Variants in NXPE4 observed in about 807,000 individuals in gnomAD.
NXPE4 encodes NXPE family member 4.
NXPE4 carries 42 observed loss-of-function variants against 33.3 expected under a neutral mutation model. The observed-to-expected ratio is 1.26, with a 90% CI of 0.98 to 1.63. The LOEUF is 1.63. Ranked by LOEUF, NXPE4 falls within the 40% of genes most tolerant of loss-of-function variation. The probability of loss-of-function intolerance (pLI) is 0.00; values close to 1 mark genes in which losing one functional copy is unlikely to be tolerated. For missense variants in NXPE4, 709 were observed against 647.6 expected (o/e 1.09, Z -1.03); for synonymous variants, 253 against 234.9 (o/e 1.08, Z -0.71).
intron 2 of NXPE4, among the ~76,000 whole-genome samples, chr11:114,586,603 T>C (rs750768562): frequency 6.6e-6 from 1 of 152,130 alleles, no homozygotes; most frequent in Non-Finnish European, 1.5e-5. Context: ...ATTGGTTTCC[T>C]TTTACAGAGA....
the NXPE4 span, among the ~76,000 whole-genome samples, chr11:114,602,773 A>G: frequency 6.9e-6 from 1 of 144,962 alleles, no homozygotes; most frequent in Non-Finnish European, 1.5e-5. Context: ...ATATATAATT[A>G]CAGAATAATG....
At chr11:114,596,285 A>C (rs895808770), upstream of NXPE4, among the ~76,000 whole-genome samples, 1 of 152,198 alleles carries the variant, frequency 6.6e-6, no homozygotes, top group Non-Finnish European at 1.5e-5. Flanking sequence ...GTTTGAATCC[A>C]TCTGGGATTT....
the NXPE4 span, among the ~76,000 whole-genome samples, chr11:114,614,045 C>T: frequency 1.8e-4 from 27 of 151,638 alleles, no homozygotes; most frequent in Admixed American, 1.1e-3. Flanking sequence ...CACTGTTACC[C>T]GGTGAATAAT....
chr11:114,651,462 A>G, the NXPE4 span, among the ~76,000 whole-genome samples: 7 of 152,184 alleles, frequency 4.6e-5, no homozygotes, highest in African/African-American at 1.2e-4. Flanking sequence ...TGTGGACCCA[A>G]AGAGTAAGCA....
chr11:114,577,011 A>T (rs1406548289), intron 5 of NXPE4, among the ~76,000 whole-genome samples: 3 of 48,988 alleles, frequency 6.1e-5, no homozygotes, highest in African/African-American at 1.9e-4. Context: ...ATATAAAGTT[A>T]TATATATATA....
chr11:114,581,840 A>T, intron 3 of NXPE4, 54 bp from the exon 4 acceptor site: 1 of 1,203,042 alleles, frequency 8.3e-7, no homozygotes, highest in East Asian at 2.4e-5. Context: ...ATCAGGAAAC[A>T]TACAGAAACT....
upstream of NXPE4, among the ~76,000 whole-genome samples, chr11:114,599,838 C>T (rs893501175): frequency 1.3e-5 from 2 of 152,048 alleles, no homozygotes; most frequent in Non-Finnish European, 1.5e-5. Flanking sequence ...TACCAGGCCC[C>T]AGCTCCAACA....
the NXPE4 span, among the ~76,000 whole-genome samples, chr11:114,649,911 G>A: frequency 6.6e-6 from 1 of 152,278 alleles, no homozygotes; most frequent in African/African-American, 2.4e-5. Context: ...TGGTAAATGC[G>A]TGCAGTTTGT....
chr11:114,586,327 A>G (rs1482125971), intron 2 of NXPE4, among the ~76,000 whole-genome samples: 1 of 152,180 alleles, frequency 6.6e-6, no homozygotes, highest in Non-Finnish European at 1.5e-5. Context: ...CAGATGAAAA[A>G]TGCCATTTCA....
chr11:114,593,425 G>T (rs1282804026), intron 2 of NXPE4, among the ~76,000 whole-genome samples: 1 of 152,078 alleles, frequency 6.6e-6, no homozygotes, highest in Non-Finnish European at 1.5e-5. Context: ...ATGAAAAGGT[G>T]CTCAACATCA....
chr11:114,598,740 G>A (rs1949606389), upstream of NXPE4, among the ~76,000 whole-genome samples: 1 of 152,032 alleles, frequency 6.6e-6, no homozygotes, highest in Admixed American at 6.6e-5. Context: ...GGGTGACAGG[G>A]CCCCGGGCCT....
the NXPE4 span, among the ~76,000 whole-genome samples, chr11:114,606,915 A>G: frequency 1.3e-5 from 2 of 151,712 alleles, no homozygotes; most frequent in African/African-American, 2.4e-5. Context: ...CCGGTGGATA[A>G]TAAGTATTGT....
At chr11:114,645,054 C>A in the NXPE4 span, among the ~76,000 whole-genome samples, 1 of 151,626 alleles carries the variant, frequency 6.6e-6, no homozygotes, top group East Asian at 1.9e-4. Flanking sequence ...GTAATCTCAG[C>A]ACTTTGGGAG....
chr11:114,620,130 G>A, the NXPE4 span, among the ~76,000 whole-genome samples: 12,912 of 150,180 alleles, frequency 0.086, 663 homozygotes, highest in Middle Eastern at 0.22. Context: ...GTATTTCCTC[G>A]TGGGAAACCA....
chr11:114,634,540 T>A, the NXPE4 span, among the ~76,000 whole-genome samples: 2 of 152,086 alleles, frequency 1.3e-5, no homozygotes, highest in African/African-American at 4.8e-5. Context: ...TCCTTGCCCA[T>A]GCCTATGTCC....
At chr11:114,672,944 C>T in the NXPE4 span, among the ~76,000 whole-genome samples, 2 of 151,146 alleles carry the variant, frequency 1.3e-5, no homozygotes, top group Non-Finnish European at 3.0e-5. Context: ...AATTATAAGC[C>T]ATCTAGACCA....
chr11:114,589,299 C>T (rs939907721), intron 2 of NXPE4, among the ~76,000 whole-genome samples: 1 of 152,020 alleles, frequency 6.6e-6, no homozygotes, highest in Admixed American at 6.6e-5. Flanking sequence ...GCTCAAATTC[C>T]CATTACAGCA....
intron 2 of NXPE4, among the ~76,000 whole-genome samples, chr11:114,593,825 C>A (rs531764397): frequency 6.6e-6 from 1 of 151,968 alleles, no homozygotes; most frequent in South Asian, 2.1e-4. Context: ...ATATACACAA[C>A]GGAGTAGTAT....
the NXPE4 span, among the ~76,000 whole-genome samples, chr11:114,664,014 C>T: frequency 6.6e-6 from 1 of 152,248 alleles, no homozygotes; most frequent in South Asian, 2.1e-4. Context: ...AACAGACTTA[C>T]CACACAGCAA....
Sources: gnomAD v4.1 joint callset for allele counts (sites outside exome capture counted in the v4.1 genomes callset) on GRCh38, gnomAD v4.1.1 for gene constraint, MANE v1.5 for transcripts, NCBI Gene and HGNC (gene_info 2026-07-23, HGNC 2026-07-21) for gene names.